The following GPC5 variants were observed in gnomAD, a reference collection of about 807,000 sequenced individuals.
The protein encoded by GPC5 is glypican 5.
In GPC5, 47 loss-of-function variants were observed where a neutral mutation model predicts 53.9. That is an observed-to-expected ratio of 0.87 (90% CI 0.69 to 1.11). The LOEUF (loss-of-function observed/expected upper bound fraction) is 1.11, where lower values mean the gene tolerates loss of function less well. GPC5 is among the 50% of genes most tolerant of loss of function. The pLI, the probability that GPC5 is intolerant of heterozygous loss-of-function variation, is 0.00. For missense variants in GPC5, 748 were observed against 713.1 expected (o/e 1.05, Z -0.56); for synonymous variants, 286 against 263.3 (o/e 1.09, Z -0.84).
At chr13:92,073,206 A>G (rs2041227008) in intron 6 of GPC5, among the ~76,000 whole-genome samples, 1 of 152,148 alleles carries the variant, frequency 6.6e-6, no homozygotes, top group Admixed American at 6.5e-5. Flanking sequence ...TTATTTTTGA[A>G]TTCTGAATAT....
chr13:91,571,397 T>C (rs998926043), intron 2 of GPC5, among the ~76,000 whole-genome samples: 1 of 152,114 alleles, frequency 6.6e-6, no homozygotes, highest in Non-Finnish European at 1.5e-5. Context: ...ACTGCATATT[T>C]TTTGTTTTCA....
chr13:92,699,730 G>A (rs9584058), intron 7 of GPC5, among the ~76,000 whole-genome samples: 1,636 of 152,198 alleles, frequency 0.011, 25 homozygotes, highest in African/African-American at 0.037. Context: ...CCATGTAGTT[G>A]TGCAATTTTG....
At chr13:91,749,153 C>T (rs977694892) in intron 4 of GPC5, among the ~76,000 whole-genome samples, 1 of 151,852 alleles carries the variant, frequency 6.6e-6, no homozygotes, top group Non-Finnish European at 1.5e-5. Context: ...GTACATTGTA[C>T]CCATTTTGCA....
chr13:92,706,494 C>T (rs1184926238), intron 7 of GPC5, among the ~76,000 whole-genome samples: 1 of 151,934 alleles, frequency 6.6e-6, no homozygotes, highest in East Asian at 1.9e-4. Context: ...TGAAACAAAG[C>T]CTTCAAAGAA....
chr13:91,852,142 A>T (rs541719630), intron 5 of GPC5, among the ~76,000 whole-genome samples: 3 of 151,774 alleles, frequency 2.0e-5, no homozygotes, highest in South Asian at 2.1e-4. Context: ...ACCTTAGCTC[A>T]CTGTGACATT....
chr13:92,768,827 T>G (rs1594493667), intron 7 of GPC5, among the ~76,000 whole-genome samples: 1 of 151,628 alleles, frequency 6.6e-6, no homozygotes, highest in South Asian at 2.1e-4. Flanking sequence ...CAGCTGCAAT[T>G]TATCTACTAT....
intron 7 of GPC5, among the ~76,000 whole-genome samples, chr13:92,347,874 A>AATATAAAT (rs2043430637): frequency 1.5e-4 from 1 of 6,646 alleles, no homozygotes; most frequent in African/African-American, 9.2e-4. Context: ...TTATATATAT[A>AATATAAAT]ATATATATTA....
chr13:92,589,880 C>T (rs1566308061), intron 7 of GPC5, among the ~76,000 whole-genome samples: 1 of 152,128 alleles, frequency 6.6e-6, no homozygotes, highest in Non-Finnish European at 1.5e-5. Context: ...ACTGGTATTA[C>T]AAAATATACA....
At chr13:92,384,063 A>G (rs1391643307) in intron 7 of GPC5, among the ~76,000 whole-genome samples, 4 of 151,894 alleles carry the variant, frequency 2.6e-5, no homozygotes, top group African/African-American at 9.7e-5. Context: ...AGAGAGAAAT[A>G]CTTTCAATTA....
At chr13:92,302,696 G>A (rs1333306099) in intron 7 of GPC5, among the ~76,000 whole-genome samples, 1 of 152,094 alleles carries the variant, frequency 6.6e-6, no homozygotes, top group African/African-American at 2.4e-5. Flanking sequence ...AATAAGTTTG[G>A]GCTAACTGCA....
intron 6 of GPC5, among the ~76,000 whole-genome samples, chr13:91,920,128 G>T (rs1213224074): frequency 6.6e-6 from 1 of 151,928 alleles, no homozygotes; most frequent in South Asian, 2.1e-4. Context: ...AGGGAAAAAA[G>T]AAAGAAATGA....
At chr13:92,330,065 A>C (rs1287735123) in intron 7 of GPC5, among the ~76,000 whole-genome samples, 1 of 152,180 alleles carries the variant, frequency 6.6e-6, no homozygotes, top group Non-Finnish European at 1.5e-5. Flanking sequence ...CAGATGGAGA[A>C]CTAATGGAGT....
chr13:92,636,192 G>A (rs1885398310), intron 7 of GPC5, among the ~76,000 whole-genome samples: 1 of 152,100 alleles, frequency 6.6e-6, no homozygotes. Context: ...GTTTTAATGA[G>A]TCAACTAAGC....
intron 3 of GPC5, among the ~76,000 whole-genome samples, chr13:91,718,143 C>A (rs1220666123): frequency 6.0e-5 from 9 of 151,050 alleles, no homozygotes; most frequent in Admixed American, 4.6e-4. Flanking sequence ...TGGAGTCTCT[C>A]TCTGTAGCCC....
chr13:92,059,941 T>C (rs1236971790), intron 6 of GPC5: 1 of 151,948 alleles, frequency 6.6e-6, no homozygotes, highest in Admixed American at 6.6e-5. Flanking sequence ...ACTAGAGGTT[T>C]GCTTTACGTT....
chr13:92,493,932 A>C (rs541429180), intron 7 of GPC5, among the ~76,000 whole-genome samples: 1 of 152,244 alleles, frequency 6.6e-6, no homozygotes, highest in Non-Finnish European at 1.5e-5. Context: ...ATGTTCATGT[A>C]AATGTATATT....
At chr13:92,518,460 G>A (rs1229929795) in intron 7 of GPC5, among the ~76,000 whole-genome samples, 1 of 152,160 alleles carries the variant, frequency 6.6e-6, no homozygotes, top group Non-Finnish European at 1.5e-5. Context: ...AGAAGAGAGT[G>A]GGGGCCAATA....
intron 7 of GPC5, among the ~76,000 whole-genome samples, chr13:92,677,581 T>G (rs1242639701): frequency 3.3e-5 from 5 of 152,216 alleles, no homozygotes; most frequent in Non-Finnish European, 4.4e-5. Context: ...GAATCTGGAC[T>G]TGGCCTTTTA....
intron 7 of GPC5, among the ~76,000 whole-genome samples, chr13:92,272,491 C>A (rs1163299685): frequency 1.3e-5 from 2 of 152,162 alleles, no homozygotes; most frequent in African/African-American, 4.8e-5. Flanking sequence ...TCTGCCATCA[C>A]AGCCACTGAG....
Sources: gnomAD v4.1 joint callset for allele counts (sites outside exome capture counted in the v4.1 genomes callset) on GRCh38, gnomAD v4.1.1 for gene constraint, MANE v1.5 for transcripts, NCBI Gene and HGNC (gene_info 2026-07-23, HGNC 2026-07-21) for gene names.